GPR19: variants seen among roughly 807,000 people sequenced by gnomAD.
GPR19 encodes G protein-coupled receptor 19, also known as probable G protein-coupled receptor 19.
Under a neutral mutation model 28.5 loss-of-function variants are expected in GPR19, and 14 were observed. That is an observed-to-expected ratio of 0.49 (90% CI 0.32 to 0.77). GPR19 has a LOEUF of 0.77. Ranked by LOEUF, GPR19 falls within the 30% of genes least tolerant of loss-of-function variation. The probability of loss-of-function intolerance (pLI) is 0.03; values close to 1 mark genes in which losing one functional copy is unlikely to be tolerated. For missense variants in GPR19, 409 were observed against 504.1 expected (o/e 0.81, Z 1.81); for synonymous variants, 173 against 184.1 (o/e 0.94, Z 0.49).
chr12:12,684,575 C>G (rs969671287), intron 2 of GPR19, 68 bp from the exon 3 acceptor site: 2 of 152,238 alleles, frequency 1.3e-5, no homozygotes, highest in Non-Finnish European at 2.9e-5. Context: ...CCCAGCCCCA[C>G]TCTCTTGTTG....
chr12:12,701,645 C>A, the GPR19 span, among the ~76,000 whole-genome samples: 2 of 152,156 alleles, frequency 1.3e-5, no homozygotes, highest in Non-Finnish European at 1.5e-5. Flanking sequence ...AGAACCATTT[C>A]AAAGGCCAGG....
intron 3 of GPR19, 39 bp from the exon 4 acceptor site, chr12:12,662,509 AG>A: frequency 1.4e-6 from 2 of 1,473,910 alleles, no homozygotes; most frequent in Non-Finnish European, 1.9e-6. Flanking sequence ...CCTGTTAAAA[AG>A]GTGTCATACA....
rs1945665603 is a variant in GPR19 at position 12,661,165 on chromosome 12, T to A, written c.*36A>T. On this transcript the variant is annotated 3_prime_UTR_variant, in exon 4 of 4. Coordinates refer to ENST00000651487, the MANE Select transcript of GPR19 (RefSeq NM_006143.3). The surrounding 1 kb of genome is among the most constrained non-coding windows in gnomAD (Gnocchi z 4.2). Reference sequence around the variant, plus strand: ...TTCTGTTTTTATAGTTAAAGCTTTTTAATCTCTGGTGCATAACAATTGAAA... The same window carrying A: ...TTCTGTTTTTATAGTTAAAGCTTTTAAATCTCTGGTGCATAACAATTGAAA... 2.1e-6 allele frequency: 3 copies of A among 1,439,710 alleles called. No individual in the cohort carries two copies. In the South Asian group the frequency reaches 4.0e-5, roughly 19 times the overall value. 89.2% of individuals were successfully genotyped at this position (1,439,710 alleles called of 1,614,324 possible).
chr12:12,667,274 T>C (rs1945796009), intron 3 of GPR19, among the ~76,000 whole-genome samples: 1 of 152,190 alleles, frequency 6.6e-6, no homozygotes, highest in South Asian at 2.1e-4. Flanking sequence ...AAGGTCCTTA[T>C]TTATCTCTAC....
Position 12,661,410 on chromosome 12 carries a change from T to C in GPR19, c.1039A>G (p.Met347Val). The change falls in exon 4 of 4, where the codon ATG becomes GTG. Residue 347 changes from methionine to valine, a missense_variant. Physicochemically the swap from Met to Val is conservative, Grantham distance 21. Coordinates refer to ENST00000651487, the MANE Select transcript of GPR19 (RefSeq NM_006143.3). This position sits in a 1 kb window ranked among gnomAD's most constrained non-coding sequence, Gnocchi z 4.2. ...CTTCGGTAACATTTCATAGAGGACA[T>C]GCAAAAAGTCTCTTTCATCCCTCTC... is the stretch of plus-strand genomic sequence containing the variant. ...FRRGMKETFC[M>V]SSMKCYRSNA... 1.9e-6 allele frequency: 3 copies of C among 1,613,076 alleles called. No homozygotes were observed. Among genetic ancestry groups the C allele is most frequent in the Non-Finnish European group, 2.5e-6 (3 of 1,179,012 alleles).
chr12:12,673,701 T>C (rs1945887901), intron 3 of GPR19, among the ~76,000 whole-genome samples: 1 of 152,112 alleles, frequency 6.6e-6, no homozygotes, highest in Non-Finnish European at 1.5e-5. Context: ...GTTATGTGGC[T>C]ACAGCATATG....
chr12:12,685,288 G>A (rs1033286974), intron 2 of GPR19, among the ~76,000 whole-genome samples: 2 of 150,680 alleles, frequency 1.3e-5, no homozygotes, highest in African/African-American at 4.9e-5. Flanking sequence ...TTGGTGGGGG[G>A]GAGGGAGATT....
chr12:12,714,772 C>A, the GPR19 span, among the ~76,000 whole-genome samples: 1 of 152,188 alleles, frequency 6.6e-6, no homozygotes, highest in South Asian at 2.1e-4. Flanking sequence ...TTCAGGGACT[C>A]CATAGTATTT....
At chr12:12,711,207 T>C in the GPR19 span, among the ~76,000 whole-genome samples, 1 of 151,312 alleles carries the variant, frequency 6.6e-6, no homozygotes, top group Non-Finnish European at 1.5e-5. Context: ...GGCAGGAGAA[T>C]TACTTGAACC....
chr12:12,668,345 T>C (rs964427449), intron 3 of GPR19, among the ~76,000 whole-genome samples: 2 of 152,158 alleles, frequency 1.3e-5, no homozygotes, highest in Non-Finnish European at 2.9e-5. Context: ...AAAGTCATGA[T>C]TCTAACTTTT....
chr12:12,673,821 G>A (rs1233941176), intron 3 of GPR19, among the ~76,000 whole-genome samples: 1 of 152,096 alleles, frequency 6.6e-6, no homozygotes, highest in South Asian at 2.1e-4. Context: ...TTCATCGCAG[G>A]TTTCAGGCAA....
At chr12:12,703,414 C>T in the GPR19 span, 1 of 985,346 alleles carries the variant, frequency 1.0e-6, no homozygotes. Context: ...AGCCATAGGA[C>T]ATGAAAAGCC....
At chr12:12,682,218 AAAT>A (rs1946033435) in intron 3 of GPR19, among the ~76,000 whole-genome samples, 1 of 152,352 alleles carries the variant, frequency 6.6e-6, no homozygotes, top group East Asian at 1.9e-4. Flanking sequence ...TTCTAAATAT[AAAT>A]AAAAATGTCA....
At chr12:12,666,743 A>G (rs1945785832) in intron 3 of GPR19, among the ~76,000 whole-genome samples, 1 of 152,238 alleles carries the variant, frequency 6.6e-6, no homozygotes, top group African/African-American at 2.4e-5. Context: ...GAGAACTGAA[A>G]TAAATGACTC....
rs780514578 is a variant in GPR19 at position 12,662,146 on chromosome 12, G to A, written c.303C>T (p.Asn101=). Residue 101 remains asparagine, a synonymous_variant, in exon 4 of 4, where the codon AAC becomes AAT. Transcript: ENST00000651487. ...CACATGCCATGGAGACCACAAAGTA[G>A]TTGGTGGTAGACTGAGTCCTCCTAC... ...HRSRRTQSTT[N]YFVVSMACAD... The A allele has an allele frequency of 3.1e-6, 5 of 1,614,052 alleles. No individual in the cohort carries two copies. In the South Asian group the frequency reaches 5.5e-5, roughly 18 times the overall value.
intron 2 of GPR19, among the ~76,000 whole-genome samples, chr12:12,687,271 CA>C (rs1308347161): frequency 6.6e-6 from 1 of 152,186 alleles, no homozygotes; most frequent in African/African-American, 2.4e-5. Flanking sequence ...GCTTGAAATC[CA>C]GGCTATTGTT....
intron 3 of GPR19, among the ~76,000 whole-genome samples, chr12:12,664,436 T>A (rs981802328): frequency 2.6e-5 from 4 of 152,126 alleles, no homozygotes; most frequent in Non-Finnish European, 5.9e-5. Context: ...ATCTTTAGGC[T>A]TTTTTGTCCA....
intron 3 of GPR19, among the ~76,000 whole-genome samples, chr12:12,679,486 T>C (rs1409203768): frequency 2.0e-5 from 3 of 149,514 alleles, no homozygotes; most frequent in Non-Finnish European, 4.4e-5. Context: ...CAGTCCCAGC[T>C]CCTTGGAAGG....
chr12:12,716,932 C>G, the GPR19 span: 1 of 985,120 alleles, frequency 1.0e-6, no homozygotes, highest in Non-Finnish European at 1.2e-6. Context: ...GGGGGCAGCT[C>G]GCCACCCCGG....
Sources: allele counts gnomAD v4.1 joint callset (sites outside exome capture counted in the v4.1 genomes callset), GRCh38; gene constraint gnomAD v4.1.1; non-coding constraint Gnocchi (gnomAD v3.1); transcripts MANE v1.5; gene names NCBI Gene and HGNC (gene_info 2026-07-23, HGNC 2026-07-21).